Variants in PDGFA observed in about 807,000 individuals in gnomAD.
The protein encoded by PDGFA is platelet-derived growth factor subunit A.
Under a neutral mutation model 25.6 loss-of-function variants are expected in PDGFA, and 9 were observed. The ratio of observed to expected loss-of-function variants is 0.35; its 90% CI spans 0.21 to 0.61. The LOEUF is 0.61. Ranked by LOEUF, PDGFA falls within the 20% of genes least tolerant of loss-of-function variation. The pLI is 0.75. For missense variants in PDGFA, 242 were observed against 272.8 expected, an observed-to-expected ratio of 0.89 and a Z score of 0.79; for synonymous variants, 133 against 111.8, an observed-to-expected ratio of 1.19 and a Z score of -1.20.
chr7:498,652 G>A, intron 5 of PDGFA, 78 bp from the exon 6 acceptor site: 7 of 1,327,742 alleles, frequency 5.3e-6, no homozygotes, highest in Non-Finnish European at 6.4e-6. Flanking sequence ...CTGCATAGGA[G>A]GAAAACAGGG....
intron 4 of PDGFA, among the ~76,000 whole-genome samples, chr7:504,341 C>A (rs1314459396): frequency 6.6e-6 from 1 of 152,108 alleles, no homozygotes; most frequent in African/African-American, 2.4e-5. Context: ...CCAAGAGGAG[C>A]AGCAGGGCCA....
intron 3 of PDGFA, 52 bp downstream of exon 3, chr7:512,299 G>A (rs1205820949): frequency 2.0e-6 from 3 of 1,527,320 alleles, no homozygotes; most frequent in South Asian, 2.4e-5. Context: ...GCGGCCTCCT[G>A]GACTCACCCT....
At chr7:511,390 A>AGGTGGGGCCAGTGGCTGGGGGAG (rs1782840946) in intron 3 of PDGFA, among the ~76,000 whole-genome samples, 1 of 108,040 alleles carries the variant, frequency 9.3e-6, no homozygotes, top group Non-Finnish European at 1.8e-5. Context: ...TGGCAGGGGC[A>AGGTGGGGCCAGTGGCTGGGGGAG]GAGGGGAACC....
Position 517,504 on chromosome 7 carries a change from C to T in PDGFA, c.64-14G>A, listed in dbSNP as rs1282194081. On this transcript the variant is annotated splice_polypyrimidine_tract_variant and intron_variant, in intron 1 of 5. Coordinates refer to ENST00000402802, the Ensembl canonical transcript of PDGFA. The surrounding 1 kb of genome is among the most constrained non-coding windows in gnomAD (Gnocchi z 7.4). ...GATCTCGGCTTCCTGCAAGCAGAGGCCACACGGTCAGCGCCCGCGGCCCCG... is the reference window on the plus strand; with the variant it reads ...GATCTCGGCTTCCTGCAAGCAGAGGTCACACGGTCAGCGCCCGCGGCCCCG... The T allele has an allele frequency of 8.0e-7, 1 of 1,251,498 alleles. No individual in the cohort carries two copies. The highest frequency in any genetic ancestry group is 1.0e-6 in the Non-Finnish European group (1 of 975,172). 77.5% of individuals were successfully genotyped at this position (1,251,498 alleles called of 1,614,324 possible). A position where few individuals can be genotyped will look rare whatever the true frequency, so the allele number is the denominator to read the frequency against.
chr7:498,659 A>G, intron 5 of PDGFA, 85 bp from the exon 6 acceptor site: 3 of 1,298,288 alleles, frequency 2.3e-6, no homozygotes, highest in Non-Finnish European at 3.3e-6. Flanking sequence ...GGAGGAAAAC[A>G]GGGTGAAAAC....
intron 4 of PDGFA, among the ~76,000 whole-genome samples, chr7:509,887 C>T (rs1782721295): frequency 6.6e-6 from 1 of 152,194 alleles, no homozygotes; most frequent in Admixed American, 6.5e-5. Context: ...AAGAGGGGCT[C>T]ACCCTGGGAT....
At chr7:512,779 C>T in intron 2 of PDGFA, 1 of 769,688 alleles carries the variant, frequency 1.3e-6, no homozygotes, top group Non-Finnish European at 1.8e-6. Flanking sequence ...ACGGTGCCTC[C>T]TCCAAGGTAG....
At chr7:499,825 C>T (rs549926867) in intron 5 of PDGFA, among the ~76,000 whole-genome samples, 1 of 150,840 alleles carries the variant, frequency 6.6e-6, no homozygotes, top group Admixed American at 6.6e-5. Flanking sequence ...ATGGATGCCA[C>T]TAGCCAGACA....
chr7:510,754 G>A, intron 4 of PDGFA, 55 bp downstream of exon 4: 1 of 507,512 alleles, frequency 2.0e-6, no homozygotes. Context: ...GAGAGGAGGG[G>A]AGGGGAGAGG....
At chr7:505,205 C>A (rs1782507873) in intron 4 of PDGFA, among the ~76,000 whole-genome samples, 1 of 152,188 alleles carries the variant, frequency 6.6e-6, no homozygotes, top group Non-Finnish European at 1.5e-5. Flanking sequence ...TCCTCAGGAC[C>A]CCCACGGGGG....
At chr7:501,004 C>A (rs1311453859) in intron 5 of PDGFA, 112 bp downstream of exon 5, 1 of 1,605,964 alleles carries the variant, frequency 6.2e-7, no homozygotes, top group Non-Finnish European at 8.5e-7. Flanking sequence ...CAACAGCAGC[C>A]CAGATGCTCA....
Position 517,430 on chromosome 7 carries a change from G to A in PDGFA, c.124C>T (p.Arg42Trp), listed in dbSNP as rs1390125283. The change falls in exon 2 of 6, where the codon CGG (arginine) becomes TGG (tryptophan). Residue 42 changes from arginine (R) to tryptophan (W), a missense_variant. Around this residue, in one of 5 missense-constraint regions of PDGFA, gnomAD observed 113 missense variants for 98.3 expected, o/e 1.15. Coordinates refer to ENST00000402802, the Ensembl canonical transcript of PDGFA. This position sits in a 1 kb window ranked among gnomAD's most constrained non-coding sequence, Gnocchi z 7.4. ...ATCTCCAGGAGTCGCTGGAGGTCCC[G>A]GATGCTGTGGATCTGACTGCGGGCC... is the stretch of plus-strand genomic sequence containing the variant. 1 of 1,393,516 alleles carries A rather than the reference G, an allele frequency of 7.2e-7. No homozygotes were observed. Among genetic ancestry groups the A allele is most frequent in the Non-Finnish European group, 9.4e-7 (1 of 1,060,016 alleles). The allele number at this position is 1,393,516 out of a possible 1,614,324, so 86.3% of individuals were successfully genotyped here. A position where few individuals can be genotyped will look rare whatever the true frequency, so the allele number is the denominator to read the frequency against.
At chr7:499,345 C>T (rs1196978138) in intron 5 of PDGFA, among the ~76,000 whole-genome samples, 5 of 152,242 alleles carry the variant, frequency 3.3e-5, no homozygotes, top group Admixed American at 1.3e-4. Flanking sequence ...GGACCTCACC[C>T]GCAGGCCCAA....
intron 1 of PDGFA, chr7:518,655 G>A (rs998155216): frequency 1.1e-4 from 39 of 364,514 alleles, no homozygotes; most frequent in South Asian, 7.5e-4. Context: ...CTGCGCCCCA[G>A]CTCCCCTTCC....
chr7:519,316 C>G (rs1783259220), exon 1 of PDGFA: 4 of 318,288 alleles, frequency 1.3e-5, no homozygotes. Context: ...CGGTGCGTTC[C>G]CGGTGCTGGC....
chr7:500,757 G>C lies in PDGFA; in HGVS notation c.580+359C>G, dbSNP rs112280384. ...GCCAGCCAGGGCAACTGCAGTCCTC[G>C]AACCTGCTCCTCCCGCCCACCCTGG... On this transcript the variant is annotated intron_variant, in intron 5 of 5. Transcript: ENST00000402802. The surrounding 1 kb of genome is among the most constrained non-coding windows in gnomAD (Gnocchi z 5.0). The C allele has an allele frequency of 6.9e-7, 1 of 1,439,420 alleles. No homozygotes were observed. Among genetic ancestry groups the C allele is most frequent in the African/African-American group, 1.4e-5 (1 of 69,930 alleles). The allele number at this position is 1,439,420 out of a possible 1,614,324, so 89.2% of individuals were successfully genotyped here.
intron 4 of PDGFA, among the ~76,000 whole-genome samples, chr7:509,078 A>G (rs1173008856): frequency 6.6e-6 from 1 of 152,128 alleles, no homozygotes; most frequent in Non-Finnish European, 1.5e-5. Context: ...GAAAGCAGGG[A>G]GAAGGGGCCC....
chr7:505,079 C>G (rs896551238), intron 4 of PDGFA, among the ~76,000 whole-genome samples: 2 of 152,238 alleles, frequency 1.3e-5, no homozygotes, highest in African/African-American at 4.8e-5. Context: ...GTTCCGCCAC[C>G]TCTGTCTGGC....
chr7:502,032 C>T (rs977243431), intron 4 of PDGFA, among the ~76,000 whole-genome samples: 1 of 152,144 alleles, frequency 6.6e-6, no homozygotes, highest in Non-Finnish European at 1.5e-5. Context: ...CAAGACCAGC[C>T]TGGGCAACAT....
Sources: gnomAD v4.1 joint callset for allele counts (sites outside exome capture counted in the v4.1 genomes callset) on GRCh38, gnomAD v4.1.1 for gene constraint, gnomAD v4.1.1 regional missense constraint, Gnocchi (gnomAD v3.1) non-coding constraint, MANE v1.5 for transcripts, NCBI Gene and HGNC (gene_info 2026-07-23, HGNC 2026-07-21) for gene names.